CACNG2: variants seen among roughly 807,000 people sequenced by gnomAD.
The protein encoded by CACNG2 is calcium voltage-gated channel auxiliary subunit gamma 2.
In CACNG2, 3 loss-of-function variants were observed where a neutral mutation model predicts 25.9. The ratio of observed to expected loss-of-function variants is 0.12; its 90% CI spans 0.05 to 0.30. The LOEUF is 0.30. CACNG2 is among the 10% of genes least tolerant of loss of function. The probability of loss-of-function intolerance (pLI) is 1.00; values close to 1 mark genes in which losing one functional copy is unlikely to be tolerated. For missense variants in CACNG2, 341 were observed against 432.5 expected, an observed-to-expected ratio of 0.79 and a Z score of 1.88; for synonymous variants, 167 against 173.3, an observed-to-expected ratio of 0.96 and a Z score of 0.29.
At chr22:36,701,681 C>G (rs1937413434) in intron 1 of CACNG2, among the ~76,000 whole-genome samples, 1 of 152,134 alleles carries the variant, frequency 6.6e-6, no homozygotes, top group Non-Finnish European at 1.5e-5. Context: ...AGAACTTAGG[C>G]TTGTTTCCTG....
intron 1 of CACNG2, among the ~76,000 whole-genome samples, chr22:36,659,128 C>T (rs1449883427): frequency 6.6e-6 from 1 of 152,168 alleles, no homozygotes; most frequent in Non-Finnish European, 1.5e-5. Flanking sequence ...AAAATACCAA[C>T]TGCTTCCCGC....
chr22:36,619,271 C>T (rs1396386109), intron 1 of CACNG2, among the ~76,000 whole-genome samples: 1 of 152,100 alleles, frequency 6.6e-6, no homozygotes, highest in African/African-American at 2.4e-5. Flanking sequence ...GAATATAATT[C>T]TGATGGCACC....
At chr22:36,695,036 T>C (rs759421430) in intron 1 of CACNG2, among the ~76,000 whole-genome samples, 11 of 152,070 alleles carry the variant, frequency 7.2e-5, no homozygotes, top group Admixed American at 1.3e-4. Flanking sequence ...GCAAACATAG[T>C]GACACCTCAT....
chr22:36,589,621 G>A (rs956986655), intron 1 of CACNG2, among the ~76,000 whole-genome samples: 10 of 152,068 alleles, frequency 6.6e-5, no homozygotes, highest in African/African-American at 2.4e-4. Flanking sequence ...AGACCATATC[G>A]GGACTTCTGG....
chr22:36,650,523 G>A (rs917844877), intron 1 of CACNG2, among the ~76,000 whole-genome samples: 2 of 151,850 alleles, frequency 1.3e-5, no homozygotes, highest in African/African-American at 4.8e-5. Flanking sequence ...ATAAGCATGT[G>A]CCACCACACC....
At chr22:36,673,442 C>T (rs1199055657) in intron 1 of CACNG2, among the ~76,000 whole-genome samples, 2 of 152,150 alleles carry the variant, frequency 1.3e-5, no homozygotes, top group East Asian at 3.8e-4. Flanking sequence ...TGGATGGTAC[C>T]TTGCCTATGA....
At chr22:36,593,346 G>C (rs558977740) in intron 1 of CACNG2, among the ~76,000 whole-genome samples, 1 of 152,202 alleles carries the variant, frequency 6.6e-6, no homozygotes, top group Non-Finnish European at 1.5e-5. Flanking sequence ...GTGAGCCAGC[G>C]CTCAGCTCCC....
chr22:36,662,523 G>T (rs576863057), intron 1 of CACNG2, among the ~76,000 whole-genome samples: 62 of 152,248 alleles, frequency 4.1e-4, no homozygotes, highest in African/African-American at 1.5e-3. Flanking sequence ...TCAGGCCTCT[G>T]CCTTTGCATT....
chr22:36,586,443 C>T (rs571023742), intron 2 of CACNG2, among the ~76,000 whole-genome samples: 61 of 152,310 alleles, frequency 4.0e-4, no homozygotes, highest in African/African-American at 1.2e-3. Flanking sequence ...CATCGTGTTC[C>T]CTCCCTCTTT....
chr22:36,596,989 C>T (rs143557829), intron 1 of CACNG2, among the ~76,000 whole-genome samples: 48 of 151,764 alleles, frequency 3.2e-4, no homozygotes, highest in African/African-American at 1.1e-3. Flanking sequence ...TGGGCTCAAG[C>T]GATCCGCCCT....
At chr22:36,629,092 C>T (rs547581815) in intron 1 of CACNG2, among the ~76,000 whole-genome samples, 1 of 152,206 alleles carries the variant, frequency 6.6e-6, no homozygotes, top group African/African-American at 2.4e-5. Flanking sequence ...TTGCTTGTTA[C>T]GGCAAGAATA....
intron 1 of CACNG2, among the ~76,000 whole-genome samples, chr22:36,615,911 A>AGT (rs1936015468): frequency 1.3e-5 from 2 of 152,268 alleles, no homozygotes; most frequent in Admixed American, 1.3e-4. Context: ...AAGGTATGAA[A>AGT]GTGTGTCTAT....
rs956061343 is a variant in CACNG2, at chr22:36,566,418, G to A, written c.371C>T (p.Ala124Val). 13 of 1,613,988 alleles carry A rather than the reference G, an allele frequency of 8.1e-6. No homozygotes were observed. Among genetic ancestry groups the A allele is most frequent in the Non-Finnish European group, 1.1e-5 (13 of 1,179,986 alleles). ...LLFMGGLCIA[A>V]SEFYKTRHNI... ...GTGTCGAGTTTTGTAGAACTCGCTGGCTGCGATGCAGAGGCCACCCATGAA... is the reference window on the plus strand; with the variant it reads ...GTGTCGAGTTTTGTAGAACTCGCTGACTGCGATGCAGAGGCCACCCATGAA... The change falls in exon 3 of 4, where the codon GCC (alanine) becomes GTC (valine). Residue 124 changes from alanine (A) to valine (V), a missense_variant. Ala to Val is a moderately conservative substitution (Grantham distance 64). This residue lies in a region of CACNG2 where 169 missense variants were observed against 254.4 expected (regional missense o/e 0.66). Transcript: ENST00000300105.
intron 1 of CACNG2, 43 bp downstream of exon 1, chr22:36,702,323 A>C: frequency 3.9e-6 from 4 of 1,013,400 alleles, no homozygotes; most frequent in African/African-American, 4.1e-5. Context: ...GTGAAAGGGG[A>C]GGGGTGGGGT....
chr22:36,658,727 G>A (rs1936743158), intron 1 of CACNG2, among the ~76,000 whole-genome samples: 1 of 152,210 alleles, frequency 6.6e-6, no homozygotes, highest in Admixed American at 6.5e-5. Context: ...CTGTGGGCAT[G>A]ATGACAGTGA....
chr22:36,686,326 C>G (rs894768004), intron 1 of CACNG2, among the ~76,000 whole-genome samples: 4 of 152,172 alleles, frequency 2.6e-5, no homozygotes, highest in Non-Finnish European at 5.9e-5. Context: ...CAGAGCAAGT[C>G]CAGAAGAAGG....
In CACNG2 at chr22:36,643,781, C is replaced by T. The variant is rs1011850435; in HGVS notation, c.212-56233G>A. 4.6e-5 allele frequency among the ~76,000 whole-genome samples: 7 copies of T among 152,320 alleles called. No individual in the cohort carries two copies. In the South Asian group the frequency reaches 6.2e-4, roughly 14 times the overall value. ...AGGGGCATCACCACAGTCCCTATTT[C>T]TTCTCATGATAAAATGTGTTTTCTA... On this transcript the variant is annotated intron_variant, in intron 1 of 3. Coordinates refer to ENST00000300105, the MANE Select transcript of CACNG2 (RefSeq NM_006078.5).
chr22:36,567,204 T>C (rs2145905938), intron 2 of CACNG2, among the ~76,000 whole-genome samples: 1 of 152,324 alleles, frequency 6.6e-6, no homozygotes, highest in East Asian at 1.9e-4. Flanking sequence ...ATTAAATGAG[T>C]TGATTCAGGC....
chr22:36,630,102 G>C (rs1441284481), intron 1 of CACNG2, among the ~76,000 whole-genome samples: 1 of 152,184 alleles, frequency 6.6e-6, no homozygotes, highest in African/African-American at 2.4e-5. Context: ...GTGCGGGAGG[G>C]AGACCATGGG....
Sources: gnomAD v4.1 joint callset for allele counts (sites outside exome capture counted in the v4.1 genomes callset) on GRCh38, gnomAD v4.1.1 for gene constraint, gnomAD v4.1.1 regional missense constraint, MANE v1.5 for transcripts, NCBI Gene and HGNC (gene_info 2026-07-23, HGNC 2026-07-21) for gene names.